The following RPS6KC1 variants were observed in gnomAD, a reference collection of about 807,000 sequenced individuals.
RPS6KC1 encodes the protein inactive ribosomal protein S6 kinase delta-1.
RPS6KC1 carries 54 observed loss-of-function variants against 103.8 expected under a neutral mutation model. That is an observed-to-expected ratio of 0.52 (90% CI 0.42 to 0.65). The LOEUF (loss-of-function observed/expected upper bound fraction) is 0.65. RPS6KC1 is among the 30% of genes least tolerant of loss of function. The pLI, the probability that RPS6KC1 is intolerant of heterozygous loss-of-function variation, is 0.00. For synonymous variants in RPS6KC1, 439 were observed against 438.7 expected (o/e 1.00, Z -0.01); for missense variants, 1,151 against 1,253.8 (o/e 0.92, Z 1.24).
chr1:213,301,668 C>T, the RPS6KC1 span, among the ~76,000 whole-genome samples: 1 of 152,014 alleles, frequency 6.6e-6, no homozygotes, highest in African/African-American at 2.4e-5. Flanking sequence ...CACTGCACTC[C>T]AGCCTAGGTG....
At chr1:213,712,887 G>A in the RPS6KC1 span, among the ~76,000 whole-genome samples, 2 of 152,076 alleles carry the variant, frequency 1.3e-5, no homozygotes, top group African/African-American at 4.8e-5. Flanking sequence ...GTAACTCATT[G>A]GAGATGCAGA....
the RPS6KC1 span, among the ~76,000 whole-genome samples, chr1:213,417,778 T>G: frequency 6.6e-6 from 1 of 152,216 alleles, no homozygotes; most frequent in African/African-American, 2.4e-5. Context: ...TTGCTCTTTT[T>G]CTGGACATCT....
At chr1:213,841,306 A>G in the RPS6KC1 span, 3 of 152,164 alleles carry the variant, frequency 2.0e-5, no homozygotes, top group Non-Finnish European at 2.9e-5. Context: ...TTTTTAAAAC[A>G]TGAAGATTGG....
intron 10 of RPS6KC1, among the ~76,000 whole-genome samples, chr1:213,238,465 T>C (rs1460448331): frequency 6.6e-6 from 1 of 152,116 alleles, no homozygotes; most frequent in Non-Finnish European, 1.5e-5. Flanking sequence ...ATTCAGTAGA[T>C]GGAGGGAACT....
At chr1:213,203,607 C>T (rs754610337) in intron 8 of RPS6KC1, among the ~76,000 whole-genome samples, 1 of 151,802 alleles carries the variant, frequency 6.6e-6, no homozygotes, top group Non-Finnish European at 1.5e-5. Flanking sequence ...AAACTTTTGT[C>T]TTGAATATAC....
At chr1:213,667,198 A>G in the RPS6KC1 span, among the ~76,000 whole-genome samples, 2 of 152,042 alleles carry the variant, frequency 1.3e-5, no homozygotes, top group Non-Finnish European at 2.9e-5. Context: ...AGAAAAAAAG[A>G]AGTTCTGTGA....
the RPS6KC1 span, among the ~76,000 whole-genome samples, chr1:213,371,909 G>A: frequency 1.3e-5 from 2 of 152,246 alleles, no homozygotes; most frequent in Admixed American, 6.5e-5. Flanking sequence ...CTCCCTGCTC[G>A]CCATCATCCT....
chr1:213,365,424 C>T, the RPS6KC1 span, among the ~76,000 whole-genome samples: 2 of 152,230 alleles, frequency 1.3e-5, no homozygotes, highest in Admixed American at 1.3e-4. Flanking sequence ...CGTAGAATTA[C>T]ACTGCTCTTT....
the RPS6KC1 span, among the ~76,000 whole-genome samples, chr1:213,507,394 G>T: frequency 2.0e-5 from 3 of 152,168 alleles, no homozygotes; most frequent in Non-Finnish European, 2.9e-5. Context: ...GCCTCTTGCA[G>T]TTGACCTGGG....
chr1:213,143,196 A>AT (rs1301091740), intron 6 of RPS6KC1, among the ~76,000 whole-genome samples: 1 of 151,938 alleles, frequency 6.6e-6, no homozygotes, highest in Non-Finnish European at 1.5e-5. Flanking sequence ...TGTTTTGTAT[A>AT]TTTCTTCTTT....
intron 7 of RPS6KC1, among the ~76,000 whole-genome samples, chr1:213,170,374 A>G (rs1470001173): frequency 6.6e-6 from 1 of 152,238 alleles, no homozygotes; most frequent in Non-Finnish European, 1.5e-5. Context: ...AGGAAAGCTG[A>G]TTACATTTGA....
intron 6 of RPS6KC1, among the ~76,000 whole-genome samples, chr1:213,148,317 C>G (rs574613899): frequency 7.6e-4 from 115 of 152,266 alleles, no homozygotes; most frequent in Non-Finnish European, 1.4e-3. Flanking sequence ...TTGGGTCTGT[C>G]ATATATGGCT....
At chr1:213,231,454 T>G (rs1000807210) in intron 9 of RPS6KC1, among the ~76,000 whole-genome samples, 1 of 152,240 alleles carries the variant, frequency 6.6e-6, no homozygotes, top group African/African-American at 2.4e-5. Flanking sequence ...AATATCCTAA[T>G]TTAAGCATTT....
the RPS6KC1 span, among the ~76,000 whole-genome samples, chr1:213,703,306 A>G: frequency 6.6e-6 from 1 of 152,098 alleles, no homozygotes; most frequent in African/African-American, 2.4e-5. Flanking sequence ...TGTACTGTCT[A>G]TGTCTTAAAA....
At chr1:213,470,673 G>A in the RPS6KC1 span, among the ~76,000 whole-genome samples, 1 of 139,884 alleles carries the variant, frequency 7.1e-6, no homozygotes, top group African/African-American at 2.7e-5. Flanking sequence ...AGGCTGGAGT[G>A]CAGTGACACA....
the RPS6KC1 span, among the ~76,000 whole-genome samples, chr1:213,685,973 A>C: frequency 6.6e-6 from 1 of 152,098 alleles, no homozygotes; most frequent in African/African-American, 2.4e-5. Context: ...TTGTGCCTAG[A>C]GTTCCTCATT....
the RPS6KC1 span, among the ~76,000 whole-genome samples, chr1:213,315,316 T>A: frequency 6.6e-6 from 1 of 152,232 alleles, no homozygotes; most frequent in African/African-American, 2.4e-5. Context: ...TGGTATGATT[T>A]GGGAGGACAA....
chr1:213,390,320 C>A, the RPS6KC1 span, among the ~76,000 whole-genome samples: 1 of 152,144 alleles, frequency 6.6e-6, no homozygotes, highest in Non-Finnish European at 1.5e-5. Flanking sequence ...TGTCTGAGAG[C>A]TGCTATTTGA....
the RPS6KC1 span, among the ~76,000 whole-genome samples, chr1:213,650,790 C>CT: frequency 1.3e-5 from 2 of 152,156 alleles, no homozygotes; most frequent in South Asian, 4.2e-4. Context: ...CCAAACCAAT[C>CT]AATAAGCTAA....
Sources: gnomAD v4.1 joint callset for allele counts (sites outside exome capture counted in the v4.1 genomes callset) on GRCh38, gnomAD v4.1.1 for gene constraint, MANE v1.5 for transcripts, NCBI Gene and HGNC (gene_info 2026-07-23, HGNC 2026-07-21) for gene names.